The following TRRAP variants were observed in gnomAD, a reference collection of about 807,000 sequenced individuals.
TRRAP encodes the protein transformation/transcription domain associated protein.
In TRRAP, 41 loss-of-function variants were observed where a neutral mutation model predicts 438.8. The ratio of observed to expected loss-of-function variants is 0.09; its 90% confidence interval spans 0.07 to 0.12. The LOEUF (loss-of-function observed/expected upper bound fraction) is 0.12, where lower values mean the gene tolerates loss of function less well. Among genes scored for constraint, TRRAP ranks in the 10% least tolerant of loss-of-function variants. The pLI is 1.00. For missense variants in TRRAP, 3,122 were observed against 5,055.1 expected, an observed-to-expected ratio of 0.62 and a Z score of 11.60; for synonymous variants, 1,994 against 1,962.9, an observed-to-expected ratio of 1.02 and a Z score of -0.42.
intron 1 of TRRAP, among the ~76,000 whole-genome samples, chr7:98,880,131 G>A (rs1157539490): frequency 6.6e-6 from 1 of 152,190 alleles, no homozygotes; most frequent in Non-Finnish European, 1.5e-5. Context: ...CCACAGTCTG[G>A]AGGGGTGCTG....
chr7:98,905,815 C>T (rs1047951164), intron 12 of TRRAP, among the ~76,000 whole-genome samples: 1 of 152,186 alleles, frequency 6.6e-6, no homozygotes. Flanking sequence ...GATCCTGTTC[C>T]CTTGTCCAAA....
Position 98,956,376 on chromosome 7 carries a change from C to T in TRRAP, c.6097-23C>T. On this transcript the variant is annotated intron_variant, in intron 42 of 72. Transcript: ENST00000456197. The surrounding 1 kb of genome is among the most constrained non-coding windows in gnomAD (Gnocchi z 4.5). The stretch of plus-strand genomic sequence containing the variant: ...TCTCCCTAGAAATCAGTCAGTAAAA[C>T]CAAGCGCCTGTGTGTTTTTAAGCCG... 1 of 1,613,570 alleles carries T rather than the reference C, an allele frequency of 6.2e-7. No individual in the cohort carries two copies. Among genetic ancestry groups the T allele is most frequent in the South Asian group, 1.1e-5 (1 of 91,022 alleles).
At chr7:98,914,854 A>C (rs187314270) in intron 18 of TRRAP, among the ~76,000 whole-genome samples, 370 of 152,026 alleles carry the variant, frequency 2.4e-3, no homozygotes, top group Non-Finnish European at 3.5e-3. Context: ...AAATAAATAA[A>C]TATATTCTGC....
intron 25 of TRRAP, among the ~76,000 whole-genome samples, 182 bp from the exon 26 acceptor site, chr7:98,931,223 C>G (rs546891276): frequency 2.0e-5 from 3 of 152,216 alleles, no homozygotes; most frequent in Admixed American, 2.0e-4. Context: ...TCCACATTTT[C>G]TGATTAGGTG....
At chr7:99,002,074 C>T (rs976163553) in intron 67 of TRRAP, among the ~76,000 whole-genome samples, 42 of 138,294 alleles carry the variant, frequency 3.0e-4, no homozygotes, top group African/African-American at 1.1e-3. Flanking sequence ...ACAGTGGAGA[C>T]GGAGAAGGGA....
At position 98,910,465 on chromosome 7, in the gene TRRAP, A is replaced by G. The variant is rs1554408552; in HGVS notation, c.1715-45A>G. 1 of 1,613,424 alleles carries G rather than the reference A, an allele frequency of 6.2e-7. No individual in the cohort carries two copies. The highest frequency in any genetic ancestry group is 8.5e-7 in the Non-Finnish European group (1 of 1,179,984). ...TGTAGACAAACAATAGTTTTCATAAAGTGAGTTTTATTCAAGTTAACTTAA... is the reference window on the plus strand; with the variant it reads ...TGTAGACAAACAATAGTTTTCATAAGGTGAGTTTTATTCAAGTTAACTTAA... On this transcript the variant is annotated intron_variant, in intron 15 of 72. Transcript: ENST00000456197.
At chr7:98,914,371 G>T (rs966926256) in intron 18 of TRRAP, among the ~76,000 whole-genome samples, 3 of 152,118 alleles carry the variant, frequency 2.0e-5, no homozygotes, top group Non-Finnish European at 2.9e-5. Context: ...GTGACCGAGT[G>T]AGATCCTGTC....
intron 3 of TRRAP, among the ~76,000 whole-genome samples, chr7:98,882,467 A>G (rs1166562125): frequency 7.3e-5 from 11 of 150,424 alleles, no homozygotes; most frequent in Admixed American, 1.3e-4. Flanking sequence ...GGTTCAAGCA[A>G]TTCTCCTGAC....
chr7:98,950,848 T>C, intron 38 of TRRAP, 28 bp from the exon 39 acceptor site: 1 of 1,503,460 alleles, frequency 6.7e-7, no homozygotes, highest in Non-Finnish European at 8.9e-7. Context: ...TTTGTTTTTC[T>C]CCTTCTTTAT....
At chr7:98,929,047 C>G (rs570073963) in intron 23 of TRRAP, among the ~76,000 whole-genome samples, 2 of 151,800 alleles carry the variant, frequency 1.3e-5, no homozygotes, top group African/African-American at 4.8e-5. Context: ...AAGTGATTCT[C>G]CTCCCTCACC....
In TRRAP at chr7:98,994,628, C is replaced by T. The variant is rs1048482022; in HGVS notation, c.10089C>T (p.Ser3363=). The change falls in exon 67 of 73, where the codon TCC becomes TCT. Residue 3363 remains serine (S), a synonymous_variant. Transcript: ENST00000456197. The surrounding 1 kb of genome is among the most constrained non-coding windows in gnomAD (Gnocchi z 4.8). The part of the protein sequence containing the change: ...QLQQGLAKCY[S]VAFEKSGAVS... ...AACAGGGCCTGGCGAAATGTTACTC[C>T]GTGGCGTTTGAGAAAAGTGGAGCGG... 12 of 1,614,192 alleles carry T rather than the reference C, an allele frequency of 7.4e-6. No homozygotes were observed. The highest frequency in any genetic ancestry group is 5.0e-5 in the Admixed American group (3 of 60,030).
intron 3 of TRRAP, among the ~76,000 whole-genome samples, chr7:98,884,045 T>C (rs1282535069): frequency 2.6e-5 from 4 of 152,158 alleles, no homozygotes; most frequent in Non-Finnish European, 5.9e-5. Flanking sequence ...CCTGTGGATC[T>C]CATCAGAGGT....
At chr7:98,917,210 A>G (rs1432230210) in intron 19 of TRRAP, among the ~76,000 whole-genome samples, 6 of 152,208 alleles carry the variant, frequency 3.9e-5, no homozygotes, top group African/African-American at 1.4e-4. Context: ...TATAATTTAT[A>G]ACAGTTACAT....
chr7:98,891,201 A>AT, intron 4 of TRRAP, among the ~76,000 whole-genome samples: 1 of 106,886 alleles, frequency 9.4e-6, no homozygotes, highest in Non-Finnish European at 1.7e-5. Flanking sequence ...CCATATATAT[A>AT]TATTTTTTTT....
In TRRAP at chr7:98,910,743, G is replaced by A. The variant is rs1789214369; in HGVS notation, c.1812+136G>A. ...GTATTTGTATACCCAGATGTGTTTTGTTCCACAACATAGCACTGCGTTTAT... is the reference window on the plus strand; with the variant it reads ...GTATTTGTATACCCAGATGTGTTTTATTCCACAACATAGCACTGCGTTTAT... On this transcript the variant is annotated intron_variant, in intron 16 of 72. Transcript: ENST00000456197. 6.6e-6 allele frequency: 5 copies of A among 752,390 alleles called. No individual in the cohort carries two copies. The East Asian group carries it at 1.1e-4, about 16-fold the overall frequency. 46.6% of individuals were successfully genotyped at this position (752,390 alleles called of 1,614,324 possible).
At position 98,881,260 on chromosome 7, in the gene TRRAP, T is replaced by A; in HGVS notation, c.100+10T>A. The A allele has an allele frequency of 2.5e-6, 4 of 1,586,008 alleles. No homozygotes were observed. Among genetic ancestry groups the A allele is most frequent in the Non-Finnish European group, 3.4e-6 (4 of 1,164,174 alleles). ...ACAGATGTGAATACACGTGAGTTGA[T>A]CCTTTTTATCATTAAGAAATGCATA... On this transcript the variant is annotated intron_variant, in intron 2 of 72. Coordinates refer to ENST00000456197, the MANE Select transcript of TRRAP (RefSeq NM_001375524.1).
At chr7:98,966,575 C>T (rs1171423824) in intron 49 of TRRAP, among the ~76,000 whole-genome samples, 1 of 152,022 alleles carries the variant, frequency 6.6e-6, no homozygotes, top group Non-Finnish European at 1.5e-5. Context: ...ATCCCGGCTG[C>T]TCAGGATGCT....
At chr7:98,934,272 G>GAA (rs1258861017) in intron 27 of TRRAP, among the ~76,000 whole-genome samples, 1 of 152,310 alleles carries the variant, frequency 6.6e-6, no homozygotes, top group East Asian at 1.9e-4. Flanking sequence ...GCAAAAATCA[G>GAA]AAGAAAGCAA....
chr7:99,007,975 G>A (rs1794267014), intron 69 of TRRAP, among the ~76,000 whole-genome samples: 1 of 151,814 alleles, frequency 6.6e-6, no homozygotes, highest in African/African-American at 2.4e-5. Context: ...ACAGGCACCT[G>A]CCACCACTCC....
Sources: gnomAD v4.1 joint callset for allele counts (sites outside exome capture counted in the v4.1 genomes callset) on GRCh38, gnomAD v4.1.1 for gene constraint, Gnocchi (gnomAD v3.1) non-coding constraint, MANE v1.5 for transcripts, NCBI Gene and HGNC (gene_info 2026-07-23, HGNC 2026-07-21) for gene names.